The following KYNU variants were observed in gnomAD, a reference collection of about 807,000 sequenced individuals.
KYNU encodes L-kynurenine hydrolase.
A neutral mutation model predicts 59.2 loss-of-function variants in KYNU; 54 were observed. The ratio of observed to expected loss-of-function variants is 0.91; its 90% confidence interval spans 0.73 to 1.14. The LOEUF is 1.14. Among genes scored for constraint, KYNU ranks in the 50% most tolerant of loss-of-function variants. KYNU has a pLI of 0.00. For synonymous variants in KYNU, 177 were observed against 192.0 expected (o/e 0.92, Z 0.65); for missense variants, 567 against 554.4 (o/e 1.02, Z -0.23).
intron 2 of KYNU, among the ~76,000 whole-genome samples, chr2:142,890,548 G>A (rs2104921854): frequency 6.6e-6 from 1 of 152,258 alleles, no homozygotes; most frequent in East Asian, 1.9e-4. Flanking sequence ...CGTGATCTCA[G>A]CTCACTGCAT....
intron 7 of KYNU, among the ~76,000 whole-genome samples, chr2:142,960,063 T>G (rs1392121571): frequency 6.6e-6 from 1 of 152,228 alleles, no homozygotes; most frequent in Non-Finnish European, 1.5e-5. Context: ...ATTTTTGTAT[T>G]TTTAATAAAG....
intron 10 of KYNU, among the ~76,000 whole-genome samples, chr2:143,022,796 C>G (rs1052497968): frequency 2.0e-5 from 3 of 151,908 alleles, no homozygotes; most frequent in South Asian, 2.1e-4. Flanking sequence ...AGCAATGTCT[C>G]TTTTATGATG....
rs7559471 is a variant in KYNU at position 142,976,727 on chromosome 2, G to T, written c.730-8357G>T. 3.7e-3 allele frequency among the ~76,000 whole-genome samples: 569 copies of T among 152,218 alleles called. 8 individuals are homozygous for T. Among genetic ancestry groups the T allele is most frequent in the African/African-American group, 0.013 (546 of 41,540 alleles). On this transcript the variant is annotated intron_variant, in intron 8 of 13. Coordinates refer to ENST00000264170, the MANE Select transcript of KYNU (RefSeq NM_003937.3). ...TTGCCAAGGTTAAGAACATACCCAT[G>T]ACACAGCCTCAGGAGCTCCTGATGA...
At chr2:142,960,532 C>A in intron 7 of KYNU, 92 bp from the exon 8 acceptor site, 4 of 1,208,894 alleles carry the variant, frequency 3.3e-6, no homozygotes, top group Admixed American at 2.0e-5. Flanking sequence ...TTTTATAATG[C>A]AAAAGGGCTC....
intron 8 of KYNU, among the ~76,000 whole-genome samples, chr2:142,983,590 A>T (rs561203461): frequency 1.1e-4 from 17 of 152,196 alleles, no homozygotes; most frequent in African/African-American, 4.1e-4. Context: ...ACTCTTTCAT[A>T]TTACTAGGAT....
chr2:142,994,431 T>C (rs1202252734), intron 10 of KYNU, among the ~76,000 whole-genome samples: 2 of 152,094 alleles, frequency 1.3e-5, no homozygotes, highest in Non-Finnish European at 2.9e-5. Context: ...GGGTGGGAAT[T>C]ATTCTTTTGT....
chr2:142,985,978 G>A lies in KYNU; in HGVS notation c.859G>A (p.Gly287Ser). The change falls in exon 10 of 14, where the codon GGT (glycine) becomes AGT (serine). Residue 287 changes from glycine (G) to serine (S), a missense_variant. Physicochemically the swap from Gly to Ser is moderately conservative, Grantham distance 56. Transcript: ENST00000264170. Reference protein sequence around the residue: ...YLNAGAGGIAGAFIHEKHAHT... With the variant: ...YLNAGAGGIASAFIHEKHAHT... Reference sequence around the variant, plus strand: ...AAATGCAGGAGCAGGAGGAATTGCTGGTGCCTTCATTCATGAAAAGCATGC... The same window carrying A: ...AAATGCAGGAGCAGGAGGAATTGCTAGTGCCTTCATTCATGAAAAGCATGC... The A allele has an allele frequency of 6.2e-7, 1 of 1,610,158 alleles. No homozygotes were observed. The highest frequency in any genetic ancestry group is 1.1e-5 in the South Asian group (1 of 90,946).
intron 8 of KYNU, among the ~76,000 whole-genome samples, chr2:142,970,516 A>G (rs1458904155): frequency 6.6e-6 from 1 of 152,218 alleles, no homozygotes; most frequent in Non-Finnish European, 1.5e-5. Flanking sequence ...ATCTCCAGAT[A>G]TAACTGTCAC....
intron 10 of KYNU, among the ~76,000 whole-genome samples, chr2:143,020,420 A>G (rs1042196463): frequency 6.6e-6 from 1 of 152,024 alleles, no homozygotes; most frequent in African/African-American, 2.4e-5. Flanking sequence ...CTTAATTTCC[A>G]TGTATTTGTA....
intron 10 of KYNU, among the ~76,000 whole-genome samples, chr2:142,994,744 T>C (rs1685497405): frequency 1.3e-5 from 2 of 152,122 alleles, no homozygotes; most frequent in African/African-American, 4.8e-5. Flanking sequence ...TTTACTTTCA[T>C]AATCTACAGT....
intron 8 of KYNU, among the ~76,000 whole-genome samples, chr2:142,976,789 A>G (rs1167731311): frequency 6.6e-6 from 1 of 152,106 alleles, no homozygotes; most frequent in Non-Finnish European, 1.5e-5. Context: ...GCTTGCTTTT[A>G]TACATTTTAG....
intron 10 of KYNU, among the ~76,000 whole-genome samples, chr2:142,998,365 C>T (rs573675285): frequency 3.9e-5 from 6 of 152,244 alleles, no homozygotes; most frequent in South Asian, 2.1e-4. Flanking sequence ...GATTTCATTA[C>T]GATTGCATTT....
intron 10 of KYNU, among the ~76,000 whole-genome samples, chr2:143,020,173 G>A (rs58348607): frequency 6.6e-6 from 1 of 151,328 alleles, no homozygotes; most frequent in Non-Finnish European, 1.5e-5. Flanking sequence ...TTTGAGTTTG[G>A]TTTGTTCTTG....
rs753258114 is a variant in KYNU at position 142,927,755 on chromosome 2, A to C, written c.373+14A>C. ...AGGACATTGTAGGTAAGTACAAAACACTGAAGTTTTTCCAAATGAATTGTA... is the reference window on the plus strand; with the variant it reads ...AGGACATTGTAGGTAAGTACAAAACCCTGAAGTTTTTCCAAATGAATTGTA... On this transcript the variant is annotated intron_variant, in intron 4 of 13. Transcript: ENST00000264170. The C allele has an allele frequency of 1.3e-6, 2 of 1,558,438 alleles. No homozygotes were observed. Among genetic ancestry groups the C allele is most frequent in the East Asian group, 2.2e-5 (1 of 44,522 alleles).
intron 11 of KYNU, among the ~76,000 whole-genome samples, chr2:143,032,657 T>C (rs902916810): frequency 3.3e-5 from 5 of 151,444 alleles, no homozygotes; most frequent in African/African-American, 1.2e-4. Context: ...GCATCTGTTA[T>C]TAATTTACCT....
At position 143,037,020 on chromosome 2, in the gene KYNU, C is replaced by CT. The variant is rs962551055; in HGVS notation, c.1042-3401dup. 1.1e-4 allele frequency among the ~76,000 whole-genome samples: 17 copies of CT among 152,060 alleles called. No homozygotes were observed. The East Asian group carries it at 2.7e-3, about 24-fold the overall frequency. ...ACTTTTTAAAAAGATATTAATATGGCTTTTTTTAATAAATACATGTGTATA... is the reference window on the plus strand; with the variant it reads ...ACTTTTTAAAAAGATATTAATATGGCTTTTTTTTAATAAATACATGTGTATA... On this transcript the variant is annotated intron_variant, in intron 12 of 13. Coordinates refer to ENST00000264170, the MANE Select transcript of KYNU (RefSeq NM_003937.3).
chr2:142,920,396 T>A (rs1480463912), intron 3 of KYNU, among the ~76,000 whole-genome samples: 2 of 152,220 alleles, frequency 1.3e-5, no homozygotes, highest in African/African-American at 4.8e-5. Context: ...TTGAACTTTA[T>A]AGAGTGTCCT....
At chr2:142,943,965 G>A (rs1683691309) in intron 4 of KYNU, among the ~76,000 whole-genome samples, 1 of 152,122 alleles carries the variant, frequency 6.6e-6, no homozygotes, top group Admixed American at 6.6e-5. Context: ...CTTATCCAAT[G>A]GTAAACAGCT....
chr2:142,973,676 C>T (rs1043015506), intron 8 of KYNU, among the ~76,000 whole-genome samples: 7 of 152,088 alleles, frequency 4.6e-5, no homozygotes, highest in South Asian at 2.1e-4. Context: ...ACTCATCCCT[C>T]GCTCCCATTG....
Sources: gnomAD v4.1 joint callset for allele counts (sites outside exome capture counted in the v4.1 genomes callset) on GRCh38, gnomAD v4.1.1 for gene constraint, MANE v1.5 for transcripts, NCBI Gene and HGNC (gene_info 2026-07-23, HGNC 2026-07-21) for gene names.